The following TIMELESS variants were observed in gnomAD, a reference collection of about 807,000 sequenced individuals.
TIMELESS encodes protein timeless homolog.
A neutral mutation model predicts 164.3 loss-of-function variants in TIMELESS; 124 were observed. The ratio of observed to expected loss-of-function variants is 0.75; its 90% confidence interval spans 0.65 to 0.88. The LOEUF is 0.88. TIMELESS is among the 40% of genes least tolerant of loss of function. TIMELESS has a pLI of 0.00. For missense variants in TIMELESS, 1,422 were observed against 1,491.4 expected (o/e 0.95, Z 0.77); for synonymous variants, 564 against 563.4 (o/e 1.00, Z -0.02).
At chr12:56,429,223 G>A in intron 10 of TIMELESS, 123 bp from the exon 11 acceptor site, 3 of 818,490 alleles carry the variant, frequency 3.7e-6, no homozygotes, top group Non-Finnish European at 5.6e-6. Context: ...TTTTGAGGCG[G>A]AGTCTCACTC....
intron 4 of TIMELESS, 46 bp downstream of exon 4, chr12:56,433,492 C>G (rs747902763): frequency 1.3e-5 from 21 of 1,613,688 alleles, no homozygotes; most frequent in Non-Finnish European, 1.6e-5. Flanking sequence ...CACTTCTTCA[C>G]CACTGCCCCA....
intron 9 of TIMELESS, 62 bp from the exon 10 acceptor site, chr12:56,430,343 C>A: frequency 6.5e-7 from 1 of 1,529,784 alleles, no homozygotes; most frequent in South Asian, 1.3e-5. Flanking sequence ...TTGCAGCTCT[C>A]GTCAATTTTC....
intron 23 of TIMELESS, 102 bp downstream of exon 23, chr12:56,421,249 G>T: frequency 6.3e-7 from 1 of 1,582,020 alleles, no homozygotes. Context: ...GGAAGGACCT[G>T]GTCAGAACAG....
In TIMELESS at chr12:56,423,328, T is replaced by A; in HGVS notation, c.2238A>T (p.Ser746=). Residue 746 remains serine, a synonymous_variant, in exon 18 of 29, where the codon TCA becomes TCT. Transcript: ENST00000553532. ...GCAGACGATTGAAGAGGCAGAAGAC[T>A]GACAGCTGAAAAAGTAGGGCTTCCA... The part of the protein sequence containing the change: ...LKMEALLFQL[S]VFCLFNRLLS... 1 of 1,614,162 alleles carries A rather than the reference T, an allele frequency of 6.2e-7. No homozygotes were observed. Among genetic ancestry groups the A allele is most frequent in the Non-Finnish European group, 8.5e-7 (1 of 1,180,034 alleles).
At chr12:56,446,224 A>G (rs1450836595) in intron 1 of TIMELESS, among the ~76,000 whole-genome samples, 1 of 152,164 alleles carries the variant, frequency 6.6e-6, no homozygotes. Context: ...TCTAGCCTCA[A>G]TATGGTTACC....
chr12:56,426,047 T>G (rs2136137673), intron 13 of TIMELESS, among the ~76,000 whole-genome samples: 1 of 152,170 alleles, frequency 6.6e-6, no homozygotes, highest in East Asian at 1.9e-4. Context: ...ATTAAAGAAC[T>G]TACAATCAAA....
In TIMELESS at chr12:56,418,288, T is replaced by C. The variant is rs1169221347; in HGVS notation, c.3300A>G (p.Gln1100=). ...GCTGCAGCTTCTGTTCCTCCTCTGG[T>C]TGACTCAAAGAAGCTGCTGCCCTCC... is the stretch of plus-strand genomic sequence containing the variant. ...QLRRAAASLS[Q]PEEEQKLQPE... The change falls in exon 27 of 29, where the codon CAA becomes CAG. Residue 1100 remains glutamine, a synonymous_variant. Coordinates refer to ENST00000553532, the MANE Select transcript of TIMELESS (RefSeq NM_003920.5). The C allele has an allele frequency of 3.7e-6, 6 of 1,614,062 alleles. No homozygotes were observed. The highest frequency in any genetic ancestry group is 4.2e-6 in the Non-Finnish European group (5 of 1,180,024).
intron 1 of TIMELESS, among the ~76,000 whole-genome samples, chr12:56,434,555 T>C (rs1245577241): frequency 2.0e-5 from 3 of 152,056 alleles, no homozygotes; most frequent in African/African-American, 7.2e-5. Flanking sequence ...CTGACCAACA[T>C]GGAGAAACCC....
intron 1 of TIMELESS, among the ~76,000 whole-genome samples, chr12:56,436,774 T>C (rs937250097): frequency 1.3e-5 from 2 of 152,192 alleles, no homozygotes; most frequent in South Asian, 2.1e-4. Flanking sequence ...CATATATTAG[T>C]GTTCTTCTAG....
intron 1 of TIMELESS, among the ~76,000 whole-genome samples, chr12:56,443,898 C>CTTT (rs1225876764): frequency 7.4e-6 from 1 of 134,824 alleles, no homozygotes. Flanking sequence ...TTTCGGTATT[C>CTTT]TTTTTTTTTT....
Position 56,422,224 on chromosome 12 carries a change from G to GT in TIMELESS, c.2439-34dup, listed in dbSNP as rs758586823. 3 of 1,603,136 alleles carry GT rather than the reference G, an allele frequency of 1.9e-6. No homozygotes were observed. In the African/African-American group the frequency reaches 4.0e-5, roughly 21 times the overall value. ...GTGAAAGGAGAAAGGGAGCATATAG[G>GT]TTCTTGGCCCAAAAAGAGGAGACCA... On this transcript the variant is annotated intron_variant, in intron 19 of 28. Transcript: ENST00000553532.
chr12:56,428,625 C>T lies in TIMELESS; in HGVS notation c.1332G>A (p.Gln444=). ...TCTCATTCACTGTTGCCAGCAGCTC[C>T]TGATAGGCCTTCAGAGCCAAGTGCA... is the stretch of plus-strand genomic sequence containing the variant. ...RRMHLALKAY[Q]ELLATVNEMD... Residue 444 remains glutamine (Q), a synonymous_variant, in exon 12 of 29, where the codon CAG becomes CAA. Coordinates refer to ENST00000553532, the MANE Select transcript of TIMELESS (RefSeq NM_003920.5). 1 of 1,614,106 alleles carries T rather than the reference C, an allele frequency of 6.2e-7. No individual in the cohort carries two copies. The highest frequency in any genetic ancestry group is 8.5e-7 in the Non-Finnish European group (1 of 1,180,014).
chr12:56,433,810 G>A lies in TIMELESS; in HGVS notation c.214C>T (p.His72Tyr), dbSNP rs146413502. 1.1e-4 allele frequency: 177 copies of A among 1,614,066 alleles called. No homozygotes were observed. Among genetic ancestry groups the A allele is most frequent in the Non-Finnish European group, 1.3e-4 (158 of 1,180,056 alleles). Reference sequence around the variant, plus strand: ...TCAAAGAGAGGCTTGTCCTGGTGGTGCTGGGTGAGGATGGGCAGAAGGTCG... The same window carrying A: ...TCAAAGAGAGGCTTGTCCTGGTGGTACTGGGTGAGGATGGGCAGAAGGTCG... ...QSDLLPILTQ[H>Y]HQDKPLFDAV... is the part of the protein sequence containing the mutation. Residue 72 changes from histidine to tyrosine, a missense_variant, in exon 3 of 29, where the codon CAC (histidine) becomes TAC (tyrosine). Coordinates refer to ENST00000553532, the MANE Select transcript of TIMELESS (RefSeq NM_003920.5).
intron 1 of TIMELESS, among the ~76,000 whole-genome samples, chr12:56,436,326 T>C (rs1976294): frequency 0.55 from 84,176 of 151,702 alleles, 24,116 homozygotes; most frequent in African/African-American, 0.65. Context: ...TGGTGGTGTG[T>C]ACCTGTAGTC....
intron 1 of TIMELESS, among the ~76,000 whole-genome samples, chr12:56,448,258 T>C (rs2136160012): frequency 6.7e-6 from 1 of 148,662 alleles, no homozygotes; most frequent in South Asian, 2.1e-4. Flanking sequence ...ATACAAAAAT[T>C]AGCCGGGCGT....
chr12:56,423,546 C>T (rs1383990344), intron 17 of TIMELESS, 38 bp downstream of exon 17: 17 of 1,612,582 alleles, frequency 1.1e-5, no homozygotes, highest in African/African-American at 2.7e-5. Flanking sequence ...GCCGCACAAT[C>T]GCCACTCTAG....
chr12:56,432,310 G>T, intron 7 of TIMELESS, 59 bp downstream of exon 7: 1 of 1,553,612 alleles, frequency 6.4e-7, no homozygotes, highest in Non-Finnish European at 8.8e-7. Flanking sequence ...AGCAATTCTG[G>T]CTGTACAGCA....
intron 1 of TIMELESS, among the ~76,000 whole-genome samples, chr12:56,436,220 G>A (rs1323900250): frequency 2.0e-5 from 3 of 152,218 alleles, no homozygotes; most frequent in East Asian, 3.9e-4. Flanking sequence ...TTGGGAGGCC[G>A]AGGTGTGTGG....
intron 1 of TIMELESS, among the ~76,000 whole-genome samples, chr12:56,438,180 G>A (rs534269684): frequency 1.4e-4 from 22 of 152,120 alleles, no homozygotes; most frequent in African/African-American, 5.3e-4. Context: ...CAAGTAGCTG[G>A]GATTACAGGC....
Sources: allele counts gnomAD v4.1 joint callset (sites outside exome capture counted in the v4.1 genomes callset), GRCh38; gene constraint gnomAD v4.1.1; transcripts MANE v1.5; gene names NCBI Gene and HGNC (gene_info 2026-07-23, HGNC 2026-07-21).